Variants in MAIP1 observed in about 807,000 individuals in gnomAD.
MAIP1 encodes the protein m-AAA protease-interacting protein 1, mitochondrial.
In MAIP1, 28 loss-of-function variants were observed where a neutral mutation model predicts 31.2. The ratio of observed to expected loss-of-function variants is 0.90; its 90% CI spans 0.67 to 1.23. The LOEUF is 1.23. Ranked by LOEUF, MAIP1 falls within the 50% of genes most tolerant of loss-of-function variation. The probability of loss-of-function intolerance (pLI) is 0.00; values close to 1 mark genes in which losing one functional copy is unlikely to be tolerated. For missense variants in MAIP1, 339 were observed against 356.0 expected (o/e 0.95, Z 0.38); for synonymous variants, 142 against 142.3 (o/e 1.00, Z 0.02).
chr2:199,960,974 C>T (rs1373093095), intron 3 of MAIP1, among the ~76,000 whole-genome samples: 1 of 152,138 alleles, frequency 6.6e-6, no homozygotes, highest in Non-Finnish European at 1.5e-5. Flanking sequence ...CATCTCAGCA[C>T]CATGGTCACT....
rs888284509 is a variant in MAIP1, at chr2:199,955,639, G to A, written c.-160G>A. 22 of 1,141,752 alleles carry A rather than the reference G, an allele frequency of 1.9e-5. No individual in the cohort carries two copies. The highest frequency in any genetic ancestry group is 2.7e-5 in the Non-Finnish European group (22 of 823,336). 70.7% of individuals were successfully genotyped at this position (1,141,752 alleles called of 1,614,324 possible). On this transcript the variant is annotated 5_prime_UTR_variant, in exon 1 of 5. Coordinates refer to ENST00000392290, the MANE Select transcript of MAIP1 (RefSeq NM_001394955.1). ...CGGGTTGCCGAAGGGCCTCGGCCTGGGCTGCGTGCTGGAGAGCGGGGACGG... is the reference window on the plus strand; with the variant it reads ...CGGGTTGCCGAAGGGCCTCGGCCTGAGCTGCGTGCTGGAGAGCGGGGACGG...
Position 199,961,807 on chromosome 2 carries a change from T to C in MAIP1, c.676T>C (p.Cys226Arg), listed in dbSNP as rs372424449. ...AAGGAAGTTTGTTAACATCCTGATG[T>C]GCTTTTGGTATCTAACCAGTGCCAA... ...KGRKFVNILMCFWYLTSANIP... is the reference protein window; with the variant it reads ...KGRKFVNILMRFWYLTSANIP... Residue 226 changes from cysteine to arginine, a missense_variant, in exon 4 of 5, where the codon TGC becomes CGC. Coordinates refer to ENST00000392290, the MANE Select transcript of MAIP1 (RefSeq NM_001394955.1). The C allele has an allele frequency of 1.7e-5, 27 of 1,613,610 alleles. No individual in the cohort carries two copies. The highest frequency in any genetic ancestry group is 2.2e-5 in the Non-Finnish European group (26 of 1,179,856).
chr2:199,957,457 C>T (rs1211235922), intron 1 of MAIP1, among the ~76,000 whole-genome samples: 5 of 152,160 alleles, frequency 3.3e-5, no homozygotes, highest in African/African-American at 1.2e-4. Flanking sequence ...CTTCATACCT[C>T]CATATGCCTT....
chr2:199,956,139 G>T lies in MAIP1; in HGVS notation c.341G>T (p.Gly114Val), dbSNP rs116182492. The T allele has an allele frequency of 7.6e-5, 123 of 1,614,176 alleles. No homozygotes were observed. In the East Asian group the frequency reaches 2.5e-3, roughly 33 times the overall value. The change falls in exon 1 of 5, where the codon GGA (glycine) becomes GTA (valine). Residue 114 changes from glycine to valine, a missense_variant. Coordinates refer to ENST00000392290, the MANE Select transcript of MAIP1 (RefSeq NM_001394955.1). ...CAGAAAACCAAGATGATCGTCCTGGGATTCTCCAACCCCATCAACTGGGTT... is the reference window on the plus strand; with the variant it reads ...CAGAAAACCAAGATGATCGTCCTGGTATTCTCCAACCCCATCAACTGGGTT... ...QHQKTKMIVL[G>V]FSNPINWVRT...
chr2:199,955,375 C>T (rs747991823), upstream of MAIP1: 1 of 1,612,134 alleles, frequency 6.2e-7, no homozygotes, highest in Admixed American at 1.7e-5. Context: ...GAGGTTCTGC[C>T]CCGCGCGAGG....
rs556553918 is a variant in MAIP1 at position 199,963,720 on chromosome 2, A to G, written c.798-13A>G. On this transcript the variant is annotated splice_polypyrimidine_tract_variant and intron_variant, in intron 4 of 4. Transcript: ENST00000392290. ...TGATGTAAGATTTACATTATTTGCA[A>G]TGTCTTTCCTAGGTTTCAGAGGGAG... 7.2e-6 allele frequency: 11 copies of G among 1,534,750 alleles called. No homozygotes were observed. Among genetic ancestry groups the G allele is most frequent in the Middle Eastern group, 1.7e-4 (1 of 5,920 alleles).
At chr2:199,959,717 T>C in intron 2 of MAIP1, 37 bp from the exon 3 acceptor site, 1 of 1,564,582 alleles carries the variant, frequency 6.4e-7, no homozygotes, top group Non-Finnish European at 8.6e-7. Flanking sequence ...TCAAAAATTG[T>C]ATCAGTGAAC....
upstream of MAIP1, chr2:199,955,378 G>T: frequency 2.5e-6 from 4 of 1,612,264 alleles, no homozygotes; most frequent in Non-Finnish European, 3.4e-6. Context: ...GTTCTGCCCC[G>T]CGCGAGGGCC....
Position 199,956,237 on chromosome 2 carries a change from G to A in MAIP1, c.439G>A (p.Gly147Arg). The change falls in exon 1 of 5, where the codon GGA becomes AGA. Residue 147 changes from glycine to arginine, a missense_variant. Physicochemically the swap from Gly to Arg is moderately radical, Grantham distance 125. Transcript: ENST00000392290. Reference protein sequence around the residue: ...KEFSITEFSEGAKQAFAHVSK... With the variant: ...KEFSITEFSERAKQAFAHVSK... ...GTTCAGCATCACAGAGTTCTCCGAGGGAGCGAAGCAGGTTTGTTTATTTCC... is the reference window on the plus strand; with the variant it reads ...GTTCAGCATCACAGAGTTCTCCGAGAGAGCGAAGCAGGTTTGTTTATTTCC... 6.2e-7 allele frequency: 1 copy of A among 1,610,900 alleles called. No homozygotes were observed. Among genetic ancestry groups the A allele is most frequent in the Non-Finnish European group, 8.5e-7 (1 of 1,178,080 alleles).
At chr2:199,956,273 T>A in intron 1 of MAIP1, 25 bp downstream of exon 1, 1 of 1,552,586 alleles carries the variant, frequency 6.4e-7, no homozygotes, top group Non-Finnish European at 8.8e-7. Context: ...CTGATTGACC[T>A]ATCCGTCTCT....
At chr2:199,955,344 C>G, upstream of MAIP1, 2 of 1,595,520 alleles carry the variant, frequency 1.3e-6, no homozygotes, top group Non-Finnish European at 1.7e-6. Context: ...AAGGTAAAGA[C>G]GTGTCTCTCG....
intron 3 of MAIP1, among the ~76,000 whole-genome samples, chr2:199,961,389 G>A (rs1362392892): frequency 2.0e-5 from 3 of 152,086 alleles, no homozygotes; most frequent in African/African-American, 7.2e-5. Flanking sequence ...GCTTGAGCCT[G>A]GGAGGCGGAA....
At chr2:199,962,493 A>G (rs2077641898) in intron 4 of MAIP1, among the ~76,000 whole-genome samples, 1 of 152,232 alleles carries the variant, frequency 6.6e-6, no homozygotes, top group South Asian at 2.1e-4. Context: ...GTAAAGGGCT[A>G]TGCCCAGAAT....
chr2:199,960,112 A>G (rs1486638544), intron 3 of MAIP1, among the ~76,000 whole-genome samples: 1 of 152,244 alleles, frequency 6.6e-6, no homozygotes, highest in Non-Finnish European at 1.5e-5. Context: ...TTCACAGTAG[A>G]GAACATCATC....
At chr2:199,959,245 C>T in intron 1 of MAIP1, 23 bp from the exon 2 acceptor site, 1 of 1,286,238 alleles carries the variant, frequency 7.8e-7, no homozygotes, top group Non-Finnish European at 1.1e-6. Flanking sequence ...AATCCCCACA[C>T]TTCCCTTAAT....
chr2:199,962,526 T>C (rs2077642059), intron 4 of MAIP1, among the ~76,000 whole-genome samples: 1 of 152,190 alleles, frequency 6.6e-6, no homozygotes, highest in African/African-American at 2.4e-5. Context: ...TCTGCCATAG[T>C]CTACTTGTCA....
rs752973524 is a variant in MAIP1 at position 199,963,828 on chromosome 2, A to G, written c.*17A>G. 3 of 1,557,212 alleles carry G rather than the reference A, an allele frequency of 1.9e-6. No individual in the cohort carries two copies. Among genetic ancestry groups the G allele is most frequent in the Admixed American group, 1.7e-5 (1 of 59,406 alleles). On this transcript the variant is annotated 3_prime_UTR_variant, in exon 5 of 5. Transcript: ENST00000392290. Reference sequence around the variant, plus strand: ...TTAGAATAATTTTCTTGGAAAAATCAGCTTATGGACTTTAGCAGTTGCTGT... The same window carrying G: ...TTAGAATAATTTTCTTGGAAAAATCGGCTTATGGACTTTAGCAGTTGCTGT...
At chr2:199,960,825 C>T (rs1292165959) in intron 3 of MAIP1, among the ~76,000 whole-genome samples, 1 of 152,104 alleles carries the variant, frequency 6.6e-6, no homozygotes, top group Non-Finnish European at 1.5e-5. Flanking sequence ...GGAAATGGAG[C>T]CTCTGCTTAT....
At position 199,955,693 on chromosome 2, in the gene MAIP1, G is replaced by A; in HGVS notation, c.-106G>A. ...CGACTCACCAGAGGCTGCAGCAACA[G>A]GTCCACTTTGCTCTCCAGTCTCTTT... On this transcript the variant is annotated 5_prime_UTR_variant, in exon 1 of 5. Transcript: ENST00000392290. 2 of 1,212,308 alleles carry A rather than the reference G, an allele frequency of 1.6e-6. No homozygotes were observed. The highest frequency in any genetic ancestry group is 1.1e-6 in the Non-Finnish European group (1 of 879,524). 75.1% of individuals were successfully genotyped at this position (1,212,308 alleles called of 1,614,324 possible).
Sources: allele counts gnomAD v4.1 joint callset (sites outside exome capture counted in the v4.1 genomes callset), GRCh38; gene constraint gnomAD v4.1.1; transcripts MANE v1.5; gene names NCBI Gene and HGNC (gene_info 2026-07-23, HGNC 2026-07-21).